The following FNBP1 variants were observed in gnomAD, a reference collection of about 807,000 sequenced individuals.
FNBP1 encodes formin-binding protein 1.
FNBP1 carries 26 observed loss-of-function variants against 90.6 expected under a neutral mutation model. The observed-to-expected ratio is 0.29, with a 90% confidence interval of 0.21 to 0.40. The LOEUF (loss-of-function observed/expected upper bound fraction) is 0.40. FNBP1 is among the 10% of genes least tolerant of loss of function. FNBP1 has a pLI of 1.00. For missense variants in FNBP1, 635 were observed against 768.0 expected (o/e 0.83, Z 2.05); for synonymous variants, 260 against 265.2 (o/e 0.98, Z 0.19).
intron 1 of FNBP1, among the ~76,000 whole-genome samples, chr9:130,032,815 G>A (rs979400999): frequency 4.6e-5 from 7 of 151,952 alleles, no homozygotes; most frequent in Non-Finnish European, 8.8e-5. Flanking sequence ...TCTTAAGAAG[G>A]CCCAAGTATA....
intron 8 of FNBP1, 149 bp downstream of exon 8, chr9:129,927,046 T>C: frequency 1.5e-6 from 1 of 669,712 alleles, no homozygotes. Context: ...AAAGGAATTA[T>C]ACAGCTAAAT....
At chr9:129,928,960 G>A (rs1368516602) in intron 7 of FNBP1, among the ~76,000 whole-genome samples, 2 of 152,036 alleles carry the variant, frequency 1.3e-5, no homozygotes, top group African/African-American at 4.8e-5. Context: ...GCATGGTGGT[G>A]CATGCCTGTA....
In FNBP1 at chr9:129,887,332, A is replaced by T. The variant is rs1328228123; in HGVS notation, c.*3207T>A. ...GACCTTTACAGTGGCGATCGGCCTCACACAGCAAAATGCCTCCAAAGTTTA... is the reference window on the plus strand; with the variant it reads ...GACCTTTACAGTGGCGATCGGCCTCTCACAGCAAAATGCCTCCAAAGTTTA... On this transcript the variant is annotated 3_prime_UTR_variant, in exon 17 of 17. Coordinates refer to ENST00000446176, the MANE Select transcript of FNBP1 (RefSeq NM_015033.3). 5 of 198,520 alleles carry T rather than the reference A, an allele frequency of 2.5e-5. No individual in the cohort carries two copies. Among genetic ancestry groups the T allele is most frequent in the South Asian group, 3.8e-4 (2 of 5,242 alleles). The allele number at this position is 198,520 out of a possible 1,614,324, so 12.3% of individuals were successfully genotyped here. A position where few individuals can be genotyped will look rare whatever the true frequency, so the allele number is the denominator to read the frequency against.
At chr9:129,950,918 T>G (rs2046059068) in intron 6 of FNBP1, among the ~76,000 whole-genome samples, 2 of 151,016 alleles carry the variant, frequency 1.3e-5, no homozygotes, top group South Asian at 2.1e-4. Context: ...CTCAGCCTCC[T>G]AAGTAGCTGG....
At chr9:129,903,517 T>C (rs978789512) in intron 12 of FNBP1, among the ~76,000 whole-genome samples, 2 of 152,224 alleles carry the variant, frequency 1.3e-5, no homozygotes, top group Non-Finnish European at 2.9e-5. Flanking sequence ...AGCTGATTTT[T>C]CAATTTCAGT....
intron 6 of FNBP1, among the ~76,000 whole-genome samples, chr9:129,955,018 TG>T (rs1488568952): frequency 6.6e-6 from 1 of 151,262 alleles, no homozygotes; most frequent in Non-Finnish European, 1.5e-5. Context: ...TCATTCTTAA[TG>T]GGGAACCTTT....
chr9:129,993,502 C>T (rs994723935), intron 2 of FNBP1, among the ~76,000 whole-genome samples: 1 of 147,118 alleles, frequency 6.8e-6, no homozygotes, highest in South Asian at 2.1e-4. Flanking sequence ...AAAACAGAGA[C>T]AGGGGGCTCA....
intron 11 of FNBP1, among the ~76,000 whole-genome samples, chr9:129,912,820 C>T (rs932828288): frequency 3.3e-5 from 5 of 152,114 alleles, no homozygotes; most frequent in African/African-American, 9.7e-5. Flanking sequence ...GTTCTATGGC[C>T]GCTCTTTCCA....
chr9:129,970,582 A>C (rs1195015547), intron 4 of FNBP1, among the ~76,000 whole-genome samples: 1 of 152,204 alleles, frequency 6.6e-6, no homozygotes, highest in Non-Finnish European at 1.5e-5. Flanking sequence ...TTTGATTTAT[A>C]AGGGATTGTG....
At chr9:130,052,484 G>A in the FNBP1 span, among the ~76,000 whole-genome samples, 3 of 152,016 alleles carry the variant, frequency 2.0e-5, no homozygotes, top group Admixed American at 6.6e-5. Flanking sequence ...CCAGGCTGGA[G>A]TGCAGTGGCA....
intron 7 of FNBP1, among the ~76,000 whole-genome samples, chr9:129,927,915 A>T (rs1235176302): frequency 2.0e-5 from 3 of 152,148 alleles, no homozygotes; most frequent in Non-Finnish European, 4.4e-5. Flanking sequence ...GAGCCACCAC[A>T]CCTGGCCAAT....
intron 1 of FNBP1, among the ~76,000 whole-genome samples, chr9:130,022,123 T>G (rs2057892807): frequency 1.3e-5 from 2 of 152,100 alleles, no homozygotes; most frequent in Non-Finnish European, 2.9e-5. Context: ...CCTCCCAAAG[T>G]GCTAGGATTA....
intron 6 of FNBP1, among the ~76,000 whole-genome samples, chr9:129,932,656 C>T (rs974047037): frequency 6.6e-6 from 1 of 152,212 alleles, no homozygotes; most frequent in East Asian, 1.9e-4. Flanking sequence ...TTTTCATCTA[C>T]CCTCAGTTGA....
At chr9:129,908,563 A>AT (rs1238736124) in intron 12 of FNBP1, among the ~76,000 whole-genome samples, 1 of 141,136 alleles carries the variant, frequency 7.1e-6, no homozygotes, top group East Asian at 2.1e-4. Context: ...ATTATTTTTT[A>AT]TTTTTTTGAG....
rs181795877 is a variant in FNBP1 at position 130,001,617 on chromosome 9, C to T, written c.25-6659G>A. 3.7e-3 allele frequency among the ~76,000 whole-genome samples: 561 copies of T among 152,296 alleles called. 3 individuals are homozygous for T. Among genetic ancestry groups the T allele is most frequent in the South Asian group, 0.037 (177 of 4,814 alleles). ...CTATTTCAGGTTGGGTGTGGTGGCT[C>T]AGGCCTGTAATCCCAGCACTTTGGG... On this transcript the variant is annotated intron_variant, in intron 1 of 16. Transcript: ENST00000446176.
intron 10 of FNBP1, among the ~76,000 whole-genome samples, chr9:129,921,293 TCTCA>T (rs1196972751): frequency 6.6e-6 from 1 of 151,634 alleles, no homozygotes; most frequent in Admixed American, 6.6e-5. Flanking sequence ...GGAGAAAGGG[TCTCA>T]CTCTGTTGCC....
At chr9:129,989,723 C>T (rs775506688) in intron 2 of FNBP1, among the ~76,000 whole-genome samples, 1 of 152,130 alleles carries the variant, frequency 6.6e-6, no homozygotes, top group African/African-American at 2.4e-5. Context: ...CATTGTGTCT[C>T]CAGTTAATAA....
intron 1 of FNBP1, among the ~76,000 whole-genome samples, chr9:130,008,889 A>AC (rs572225188): frequency 8.8e-4 from 134 of 152,286 alleles, no homozygotes; most frequent in Non-Finnish European, 1.6e-3. Context: ...TTCAAGACCG[A>AC]CCCAGGAAAG....
chr9:130,007,679 C>G (rs1334479352), intron 1 of FNBP1, among the ~76,000 whole-genome samples: 1 of 152,142 alleles, frequency 6.6e-6, no homozygotes, highest in African/African-American at 2.4e-5. Context: ...AAACAAACAT[C>G]TCTAACTGCC....
Sources: gnomAD v4.1 joint callset for allele counts (sites outside exome capture counted in the v4.1 genomes callset) on GRCh38, gnomAD v4.1.1 for gene constraint, MANE v1.5 for transcripts, NCBI Gene and HGNC (gene_info 2026-07-23, HGNC 2026-07-21) for gene names.